The following CCSER1 variants were observed in gnomAD, a reference collection of about 807,000 sequenced individuals.
CCSER1 encodes serine-rich coiled-coil domain-containing protein 1.
CCSER1 carries 41 observed loss-of-function variants against 82.0 expected under a neutral mutation model. The observed-to-expected ratio is 0.50, with a 90% CI of 0.39 to 0.65. The LOEUF is 0.65. Among genes scored for constraint, CCSER1 ranks in the 30% least tolerant of loss-of-function variants. The probability of loss-of-function intolerance (pLI) is 0.00; values close to 1 mark genes in which losing one functional copy is unlikely to be tolerated. For missense variants in CCSER1, 1,119 were observed against 1,064.2 expected (o/e 1.05, Z -0.72); for synonymous variants, 414 against 383.9 (o/e 1.08, Z -0.92).
intron 7 of CCSER1, among the ~76,000 whole-genome samples, chr4:90,730,067 C>T (rs1210749522): frequency 6.6e-6 from 1 of 152,058 alleles, no homozygotes; most frequent in Non-Finnish European, 1.5e-5. Flanking sequence ...GGGGAAACAC[C>T]CATTGTGAAC....
At chr4:90,429,754 A>G (rs1021844471) in intron 4 of CCSER1, among the ~76,000 whole-genome samples, 3 of 151,854 alleles carry the variant, frequency 2.0e-5, no homozygotes, top group Admixed American at 2.0e-4. Context: ...TATCATGTTG[A>G]TAAAGATTAT....
Position 91,416,909 on chromosome 4 carries a change from G to A in CCSER1, c.2218-181663G>A, listed in dbSNP as rs557583160. Among the ~76,000 whole-genome samples, 8 of 152,164 alleles carry A rather than the reference G, an allele frequency of 5.3e-5. No homozygotes were observed. The South Asian group carries it at 1.7e-3, about 32-fold the overall frequency. On this transcript the variant is annotated intron_variant, in intron 10 of 10. Coordinates refer to ENST00000509176, the MANE Select transcript of CCSER1 (RefSeq NM_001145065.2). ...CAGCAAAAGAAATTATCATCAGAGTGAACAGAAAACCTACAAAATGGGAGA... is the reference window on the plus strand; with the variant it reads ...CAGCAAAAGAAATTATCATCAGAGTAAACAGAAAACCTACAAAATGGGAGA...
intron 9 of CCSER1, among the ~76,000 whole-genome samples, chr4:91,055,356 GTTGT>G (rs1743353113): frequency 6.6e-6 from 1 of 152,086 alleles, no homozygotes. Context: ...TGAACTAATT[GTTGT>G]TTATTTTTAA....
At chr4:90,468,650 T>G (rs1763948238) in intron 5 of CCSER1, 1 of 204,914 alleles carries the variant, frequency 4.9e-6, no homozygotes, top group African/African-American at 2.3e-5. Context: ...ACACTGTTCT[T>G]GGATTGCTTA....
At chr4:90,873,283 C>G (rs767374818) in intron 8 of CCSER1, among the ~76,000 whole-genome samples, 16 of 151,840 alleles carry the variant, frequency 1.1e-4, no homozygotes, top group Non-Finnish European at 2.1e-4. Context: ...TTTTCTTTTG[C>G]CTCCTCTGAC....
At chr4:90,665,446 T>G (rs552065791) in intron 6 of CCSER1, among the ~76,000 whole-genome samples, 2 of 151,948 alleles carry the variant, frequency 1.3e-5, no homozygotes, top group Admixed American at 6.6e-5. Flanking sequence ...CTCAGCCTCC[T>G]GAGTAGCTGG....
At chr4:90,288,794 C>G (rs1362734202) in intron 1 of CCSER1, among the ~76,000 whole-genome samples, 1 of 151,902 alleles carries the variant, frequency 6.6e-6, no homozygotes, top group Non-Finnish European at 1.5e-5. Context: ...TCATCTTCCT[C>G]ATGTTTCTTT....
intron 7 of CCSER1, among the ~76,000 whole-genome samples, chr4:90,765,743 A>G (rs1277489629): frequency 6.6e-6 from 1 of 152,198 alleles, no homozygotes; most frequent in Non-Finnish European, 1.5e-5. Flanking sequence ...AAAATATACA[A>G]TGATAGGCCA....
intron 9 of CCSER1, among the ~76,000 whole-genome samples, chr4:91,015,654 G>A (rs562922943): frequency 6.6e-6 from 1 of 151,120 alleles, no homozygotes. Context: ...TTATAAACAG[G>A]TACCTATTAT....
intron 10 of CCSER1, among the ~76,000 whole-genome samples, chr4:91,528,882 A>G (rs556759477): frequency 6.6e-5 from 10 of 152,260 alleles, no homozygotes; most frequent in Non-Finnish European, 1.2e-4. Context: ...AATACTACAT[A>G]CATCCCAGGA....
intron 3 of CCSER1, among the ~76,000 whole-genome samples, chr4:90,387,101 AAGAT>A (rs1750177200): frequency 6.6e-6 from 1 of 152,192 alleles, no homozygotes. Flanking sequence ...TTCAATATGG[AAGAT>A]TTGGCGGAAA....
At chr4:90,584,081 AT>A (rs1781723281) in intron 5 of CCSER1, among the ~76,000 whole-genome samples, 1 of 152,150 alleles carries the variant, frequency 6.6e-6, no homozygotes, top group Non-Finnish European at 1.5e-5. Flanking sequence ...TACATACCCT[AT>A]GTAATTCCCT....
intron 10 of CCSER1, among the ~76,000 whole-genome samples, chr4:91,432,933 T>G (rs77598131): frequency 1.3e-5 from 2 of 152,268 alleles, no homozygotes; most frequent in African/African-American, 4.8e-5. Flanking sequence ...GTATTATGGA[T>G]CTAATACGAG....
intron 6 of CCSER1, among the ~76,000 whole-genome samples, chr4:90,697,398 A>G (rs1445131336): frequency 6.6e-6 from 1 of 151,998 alleles, no homozygotes; most frequent in Non-Finnish European, 1.5e-5. Context: ...TAAAAAACCA[A>G]TATTTCAAAA....
In CCSER1 at chr4:90,309,552, G is replaced by A. The variant is rs1267950588; in HGVS notation, c.1268G>A (p.Gly423Asp). ...GATTCAAAGATAATACCTACTTCTG[G>A]TGATCATCATATTTTTAACAAAACA... ...ISDSKIIPTS[G>D]DHHIFNKTSH... The change falls in exon 2 of 11, where the codon GGT becomes GAT. Residue 423 changes from glycine to aspartate, a missense_variant. By Grantham distance (94) the Gly-to-Asp change is moderately conservative. Transcript: ENST00000509176. 3.1e-6 allele frequency: 5 copies of A among 1,607,978 alleles called. No individual in the cohort carries two copies. The highest frequency in any genetic ancestry group is 3.4e-6 in the Non-Finnish European group (4 of 1,177,912).
intron 1 of CCSER1, among the ~76,000 whole-genome samples, chr4:90,296,290 G>T (rs190533251): frequency 1.3e-5 from 2 of 151,824 alleles, no homozygotes; most frequent in Non-Finnish European, 2.9e-5. Flanking sequence ...TGTAACAGAC[G>T]GTTTTAAAAA....
intron 10 of CCSER1, among the ~76,000 whole-genome samples, chr4:91,353,496 G>T (rs189432362): frequency 2.0e-5 from 3 of 152,288 alleles, no homozygotes; most frequent in Admixed American, 6.5e-5. Context: ...CGTGGTGCTG[G>T]GCTGCCTGTC....
At chr4:90,541,659 A>T (rs1776131721) in intron 5 of CCSER1, among the ~76,000 whole-genome samples, 1 of 151,500 alleles carries the variant, frequency 6.6e-6, no homozygotes, top group South Asian at 2.1e-4. Flanking sequence ...GTTCTCTCTC[A>T]CTCTCTCTCA....
chr4:90,687,480 T>C (rs1478490445), intron 6 of CCSER1, among the ~76,000 whole-genome samples: 1 of 152,064 alleles, frequency 6.6e-6, no homozygotes, highest in African/African-American at 2.4e-5. Flanking sequence ...TGCTGGGTCA[T>C]CTGTGACAGC....
Sources: gnomAD v4.1 joint callset for allele counts (sites outside exome capture counted in the v4.1 genomes callset) on GRCh38, gnomAD v4.1.1 for gene constraint, MANE v1.5 for transcripts, NCBI Gene and HGNC (gene_info 2026-07-23, HGNC 2026-07-21) for gene names.